The following LRRK1 variants were observed in gnomAD, a reference collection of about 807,000 sequenced individuals.
LRRK1 encodes the protein leucine rich repeat kinase 1.
In LRRK1, 113 loss-of-function variants were observed where a neutral mutation model predicts 209.1. The ratio of observed to expected loss-of-function variants is 0.54; its 90% CI spans 0.46 to 0.63. LRRK1 has a LOEUF of 0.63. Among genes scored for constraint, LRRK1 ranks in the 30% least tolerant of loss-of-function variants. LRRK1 has a pLI of 0.00. For missense variants in LRRK1, 2,284 were observed against 2,632.2 expected, an observed-to-expected ratio of 0.87 and a Z score of 2.89; for synonymous variants, 1,144 against 1,099.7, an observed-to-expected ratio of 1.04 and a Z score of -0.80.
intron 1 of LRRK1, among the ~76,000 whole-genome samples, chr15:100,922,289 A>G (rs2042033955): frequency 1.3e-5 from 2 of 152,172 alleles, no homozygotes; most frequent in South Asian, 4.1e-4. Context: ...TAAAACTTCT[A>G]CCTTAGAATA....
chr15:101,052,025 T>A, intron 24 of LRRK1, 65 bp downstream of exon 24: 1 of 1,557,936 alleles, frequency 6.4e-7, no homozygotes. Flanking sequence ...CGCTGTGCAG[T>A]TGCCGAGTGA....
intron 2 of LRRK1, among the ~76,000 whole-genome samples, chr15:100,963,851 C>T (rs1295759719): frequency 6.6e-6 from 1 of 152,170 alleles, no homozygotes; most frequent in African/African-American, 2.4e-5. Context: ...TGTTATAAGC[C>T]TTTCAATGTT....
chr15:100,975,779 G>A (rs750381070), intron 3 of LRRK1, among the ~76,000 whole-genome samples: 2 of 152,122 alleles, frequency 1.3e-5, no homozygotes, highest in African/African-American at 2.4e-5. Flanking sequence ...CAAAAGGGCA[G>A]CAGGACATGG....
intron 31 of LRRK1, chr15:101,064,778 C>A: frequency 6.4e-6 from 1 of 155,322 alleles, no homozygotes; most frequent in Non-Finnish European, 1.4e-5. Flanking sequence ...AGTCACAGGG[C>A]CACCAAGATG....
intron 12 of LRRK1, among the ~76,000 whole-genome samples, chr15:101,020,788 C>G (rs967179706): frequency 1.3e-5 from 2 of 152,214 alleles, no homozygotes; most frequent in Non-Finnish European, 2.9e-5. Context: ...ATTGAACCAA[C>G]CCCCTGTGGC....
At chr15:100,960,369 G>A (rs925418640) in intron 2 of LRRK1, among the ~76,000 whole-genome samples, 4 of 149,170 alleles carry the variant, frequency 2.7e-5, no homozygotes, top group African/African-American at 7.5e-5. Flanking sequence ...ATGTCAAAGG[G>A]TGTCCTAATC....
At chr15:101,051,017 G>A (rs2035398901) in intron 23 of LRRK1, among the ~76,000 whole-genome samples, 1 of 152,214 alleles carries the variant, frequency 6.6e-6, no homozygotes, top group South Asian at 2.1e-4. Flanking sequence ...GAGCACCTGA[G>A]ACAGATCGCC....
At position 101,076,493 on chromosome 15, in the gene LRRK1, C is replaced by T. The variant is rs1314426895; in HGVS notation, c.*7645C>T. ...CCCATTTCCCCACATTTCCTTCTTCCCTGCTTCTCACCCTGATCACACTTG... is the reference window on the plus strand; with the variant it reads ...CCCATTTCCCCACATTTCCTTCTTCTCTGCTTCTCACCCTGATCACACTTG... On this transcript the variant is annotated 3_prime_UTR_variant, in exon 34 of 34. Coordinates refer to ENST00000388948, the MANE Select transcript of LRRK1 (RefSeq NM_024652.6). 6.6e-6 allele frequency: 1 copy of T among 152,144 alleles called. No homozygotes were observed. The highest frequency in any genetic ancestry group is 1.5e-5 in the Non-Finnish European group (1 of 68,076). The allele number at this position is 152,144 out of a possible 1,614,324, so 9.4% of individuals were successfully genotyped here. A position where few individuals can be genotyped will look rare whatever the true frequency, so the allele number is the denominator to read the frequency against.
At position 100,919,966 on chromosome 15, in the gene LRRK1, G is replaced by A. The variant is rs1341270055; in HGVS notation, c.-123+515G>A. 1 of 152,454 alleles carries A rather than the reference G, an allele frequency of 6.6e-6. No homozygotes were observed. Among genetic ancestry groups the A allele is most frequent in the African/African-American group, 2.4e-5 (1 of 41,468 alleles). The allele number at this position is 152,454 out of a possible 1,614,324, so 9.4% of individuals were successfully genotyped here. A position where few individuals can be genotyped will look rare whatever the true frequency, so the allele number is the denominator to read the frequency against. On this transcript the variant is annotated intron_variant, in intron 1 of 33. Transcript: ENST00000388948. The surrounding 1 kb of genome is among the most constrained non-coding windows in gnomAD (Gnocchi z 5.8). ...GCCTCTCGCTGGTCCGGGGCTTCCTGGGGTTGCGGGGCGGCCCAGCGAGGC... is the reference window on the plus strand; with the variant it reads ...GCCTCTCGCTGGTCCGGGGCTTCCTAGGGTTGCGGGGCGGCCCAGCGAGGC...
In LRRK1 at chr15:101,027,701, G is replaced by C. The variant is rs915301795; in HGVS notation, c.2590G>C (p.Asp864His). 1.9e-6 allele frequency: 3 copies of C among 1,612,968 alleles called. No individual in the cohort carries two copies. The highest frequency in any genetic ancestry group is 1.7e-5 in the Admixed American group (1 of 59,886). The stretch of plus-strand genomic sequence containing the variant: ...GGCAGAGCAGCAGCGCCGCAGCCGG[G>C]ACGACGACGTGCAGTACCTGACGGA... ...VLAEQQRRSR[D>H]DDVQYLTDRQ... The change falls in exon 19 of 34, where the codon GAC (aspartate) becomes CAC (histidine). Residue 864 changes from aspartate to histidine, a missense_variant. By Grantham distance (81) the Asp-to-His change is moderately conservative. This residue lies in a region of LRRK1 where 780 missense variants were observed against 985.2 expected (regional missense o/e 0.79). Coordinates refer to ENST00000388948, the MANE Select transcript of LRRK1 (RefSeq NM_024652.6). The surrounding 1 kb of genome is among the most constrained non-coding windows in gnomAD (Gnocchi z 5.1).
intron 12 of LRRK1, among the ~76,000 whole-genome samples, chr15:101,017,467 C>T (rs1016865687): frequency 2.6e-5 from 4 of 152,134 alleles, no homozygotes; most frequent in African/African-American, 9.7e-5. Context: ...GGAAGCGAAC[C>T]GGTATTGGTC....
intron 20 of LRRK1, among the ~76,000 whole-genome samples, chr15:101,030,967 G>T (rs1309365518): frequency 6.6e-6 from 1 of 152,066 alleles, no homozygotes; most frequent in Non-Finnish European, 1.5e-5. Context: ...TTTGCATCCT[G>T]ACAGCTTAGC....
intron 2 of LRRK1, among the ~76,000 whole-genome samples, chr15:100,956,443 CCTTTTTTTTTT>C (rs1045786698): frequency 3.0e-4 from 11 of 36,658 alleles, no homozygotes; most frequent in South Asian, 1.2e-3. Flanking sequence ...GCTTTTCTTT[CCTTTTTTTTTT>C]CTTTTTTTTT....
chr15:101,002,976 C>A (rs1333667980), intron 6 of LRRK1, among the ~76,000 whole-genome samples: 1 of 152,220 alleles, frequency 6.6e-6, no homozygotes, highest in Non-Finnish European at 1.5e-5. Flanking sequence ...AAGTGATCCA[C>A]CTGCCTTGGC....
At chr15:101,009,787 C>T (rs868321073) in intron 7 of LRRK1, among the ~76,000 whole-genome samples, 3 of 152,030 alleles carry the variant, frequency 2.0e-5, no homozygotes, top group African/African-American at 4.8e-5. Context: ...GGGGTTTCAC[C>T]GTGTTGGCCA....
Position 101,010,817 on chromosome 15 carries a change from G to C in LRRK1, c.1261G>C (p.Asp421His). The change falls in exon 9 of 34, where the codon GAT becomes CAT. Residue 421 changes from aspartate (D) to histidine (H), a missense_variant. Physicochemically the swap from Asp to His is moderately conservative, Grantham distance 81. Coordinates refer to ENST00000388948, the MANE Select transcript of LRRK1 (RefSeq NM_024652.6). ...VSRNNLKVFP[D>H]PWACPLKCCK... ...CAGAAACAACCTGAAGGTGTTTCCAGATCCCTGGGCCTGCCCTTTGGTGAG... is the reference window on the plus strand; with the variant it reads ...CAGAAACAACCTGAAGGTGTTTCCACATCCCTGGGCCTGCCCTTTGGTGAG... The C allele has an allele frequency of 3.1e-6, 5 of 1,613,358 alleles. No homozygotes were observed. Among genetic ancestry groups the C allele is most frequent in the Non-Finnish European group, 3.4e-6 (4 of 1,179,848 alleles).
At position 101,027,562 on chromosome 15, in the gene LRRK1, G is replaced by C. The variant is rs1358048417; in HGVS notation, c.2527-76G>C. On this transcript the variant is annotated intron_variant, in intron 18 of 33. Transcript: ENST00000388948. This position sits in a 1 kb window ranked among gnomAD's most constrained non-coding sequence, Gnocchi z 5.1. ...CGTCCCACCCCCTCAGGCCACAGGG[G>C]CCGGGCAGGATCTGCCCAAGCTGGC... 1 of 1,560,434 alleles carries C rather than the reference G, an allele frequency of 6.4e-7. No homozygotes were observed. Among genetic ancestry groups the C allele is most frequent in the African/African-American group, 1.4e-5 (1 of 73,872 alleles).
At chr15:101,056,813 C>A in intron 27 of LRRK1, 43 bp from the exon 28 acceptor site, 1 of 1,514,448 alleles carries the variant, frequency 6.6e-7, no homozygotes, top group African/African-American at 1.4e-5. Context: ...GTGAAGGCCA[C>A]TGGGCCCAGG....
rs141101724 is a variant in LRRK1 at position 100,924,264 on chromosome 15, T to C, written c.-122-247T>C. Among the ~76,000 whole-genome samples the C allele has an allele frequency of 5.9e-4, 90 of 152,334 alleles. 3 individuals are homozygous for C. The East Asian group carries it at 0.014, about 23-fold the overall frequency. On this transcript the variant is annotated intron_variant, in intron 1 of 33. Transcript: ENST00000388948. The stretch of plus-strand genomic sequence containing the variant: ...ACAATGATTGAAGCTGTTACCAGTA[T>C]GTGTTTTCCAATTGTCTGGGGTTTG...
Sources: gnomAD v4.1 joint callset for allele counts (sites outside exome capture counted in the v4.1 genomes callset) on GRCh38, gnomAD v4.1.1 for gene constraint, gnomAD v4.1.1 regional missense constraint, Gnocchi (gnomAD v3.1) non-coding constraint, MANE v1.5 for transcripts, NCBI Gene and HGNC (gene_info 2026-07-23, HGNC 2026-07-21) for gene names.